Variants in PRDM5 observed in about 807,000 individuals in gnomAD.
The protein encoded by PRDM5 is PR domain zinc finger protein 5.
A neutral mutation model predicts 81.2 loss-of-function variants in PRDM5; 56 were observed. The observed-to-expected ratio is 0.69, with a 90% CI of 0.56 to 0.86. The LOEUF is 0.86. Ranked by LOEUF, PRDM5 falls within the 40% of genes least tolerant of loss-of-function variation. The pLI is 0.00. For synonymous variants in PRDM5, 267 were observed against 256.4 expected (o/e 1.04, Z -0.39); for missense variants, 697 against 770.1 (o/e 0.91, Z 1.12).
chr4:120,865,494 C>A (rs188789239), intron 2 of PRDM5, among the ~76,000 whole-genome samples: 1 of 152,262 alleles, frequency 6.6e-6, no homozygotes, highest in South Asian at 2.1e-4. Flanking sequence ...CCCAACCAAG[C>A]CTTTAAGTGA....
intron 1 of PRDM5, among the ~76,000 whole-genome samples, chr4:120,913,899 C>G (rs1472947796): frequency 2.0e-5 from 3 of 152,164 alleles, no homozygotes; most frequent in Non-Finnish European, 4.4e-5. Context: ...AGAAAGCTGA[C>G]TGACAGGGAA....
At chr4:120,834,997 A>C (rs1347632096) in intron 3 of PRDM5, among the ~76,000 whole-genome samples, 3 of 152,214 alleles carry the variant, frequency 2.0e-5, no homozygotes, top group Non-Finnish European at 2.9e-5. Context: ...ATAATCCTTC[A>C]ATGTCAACAA....
intron 13 of PRDM5, among the ~76,000 whole-genome samples, chr4:120,770,869 A>G (rs1472627898): frequency 6.6e-6 from 1 of 152,146 alleles, no homozygotes; most frequent in African/African-American, 2.4e-5. Context: ...TATAAAAATT[A>G]GAAAACAGAA....
At chr4:120,917,321 C>A (rs1464756537) in intron 1 of PRDM5, among the ~76,000 whole-genome samples, 3 of 152,132 alleles carry the variant, frequency 2.0e-5, no homozygotes, top group African/African-American at 7.2e-5. Context: ...TTGCCCAAAT[C>A]TCTCCTGTTT....
chr4:120,746,745 C>T (rs1743135825), intron 14 of PRDM5, among the ~76,000 whole-genome samples: 1 of 146,142 alleles, frequency 6.8e-6, no homozygotes, highest in Non-Finnish European at 1.5e-5. Context: ...TACCATCTCA[C>T]ACCAGTTACA....
At chr4:120,922,396 C>G in intron 1 of PRDM5, 120 bp downstream of exon 1, 2 of 1,145,738 alleles carry the variant, frequency 1.7e-6, no homozygotes, top group Non-Finnish European at 2.2e-6. Flanking sequence ...CCTGGCCCGG[C>G]CCGGGCGAGG....
chr4:120,860,502 T>A (rs1313955890), intron 2 of PRDM5, among the ~76,000 whole-genome samples: 4 of 152,176 alleles, frequency 2.6e-5, no homozygotes, highest in Admixed American at 2.6e-4. Context: ...AAACTGTCCT[T>A]TTCTATAGTT....
chr4:120,823,376 G>T (rs531548239), intron 3 of PRDM5, among the ~76,000 whole-genome samples: 2 of 152,068 alleles, frequency 1.3e-5, no homozygotes, highest in Admixed American at 1.3e-4. Context: ...AGCATTCCAG[G>T]CTCCACAGGA....
chr4:120,837,402 T>C (rs1757486433), intron 3 of PRDM5: 1 of 152,232 alleles, frequency 6.6e-6, no homozygotes, highest in Non-Finnish European at 1.5e-5. Flanking sequence ...CTATGGGTTC[T>C]AGATTATGTC....
chr4:120,689,383 C>T (rs1733952865), downstream of PRDM5, among the ~76,000 whole-genome samples: 2 of 152,022 alleles, frequency 1.3e-5, no homozygotes, highest in Non-Finnish European at 2.9e-5. Flanking sequence ...GAAAGTGATA[C>T]AGTTGTACTT....
At chr4:120,760,306 T>C (rs1745415057) in intron 13 of PRDM5, among the ~76,000 whole-genome samples, 1 of 152,168 alleles carries the variant, frequency 6.6e-6, no homozygotes, top group African/African-American at 2.4e-5. Context: ...AGGTTAGGAA[T>C]GTGTGTTATG....
chr4:120,703,946 A>G (rs547156214), intron 15 of PRDM5, among the ~76,000 whole-genome samples: 10 of 152,184 alleles, frequency 6.6e-5, no homozygotes, highest in Non-Finnish European at 1.5e-4. Flanking sequence ...AACCACTGTG[A>G]AAATGTAAGA....
At chr4:120,748,280 C>T (rs1743444508) in intron 14 of PRDM5, among the ~76,000 whole-genome samples, 1 of 152,282 alleles carries the variant, frequency 6.6e-6, no homozygotes, top group Admixed American at 6.5e-5. Context: ...GGGGTACCCC[C>T]AAGGCCCAAG....
intron 13 of PRDM5, among the ~76,000 whole-genome samples, chr4:120,776,493 T>C (rs1470949705): frequency 6.6e-6 from 1 of 152,186 alleles, no homozygotes; most frequent in African/African-American, 2.4e-5. Context: ...ATCCATGTAA[T>C]TAGAGTCTAG....
At chr4:120,837,740 G>A (rs1425098574) in intron 3 of PRDM5, 3 of 152,196 alleles carry the variant, frequency 2.0e-5, no homozygotes, top group Non-Finnish European at 4.4e-5. Flanking sequence ...GCCTAGTTGA[G>A]TTTACATTCT....
chr4:120,916,810 C>CT (rs1724225904), intron 1 of PRDM5, among the ~76,000 whole-genome samples: 1 of 152,226 alleles, frequency 6.6e-6, no homozygotes, highest in Non-Finnish European at 1.5e-5. Flanking sequence ...CCTTCCCATT[C>CT]TTTCACACTT....
rs142657032 is a variant in PRDM5 at position 120,853,293 on chromosome 4, C to T, written c.300+125G>A. On this transcript the variant is annotated intron_variant, in intron 3 of 15. Transcript: ENST00000264808. ...ATGCTGACTAGATGAGATTTCTCTG[C>T]TTTTATGAGTTACTGTTATTTGAAG... 10 of 1,430,780 alleles carry T rather than the reference C, an allele frequency of 7.0e-6. No individual in the cohort carries two copies. The African/African-American group carries it at 1.4e-4, about 20-fold the overall frequency. The allele number at this position is 1,430,780 out of a possible 1,614,324, so 88.6% of individuals were successfully genotyped here. A position where few individuals can be genotyped will look rare whatever the true frequency, so the allele number is the denominator to read the frequency against.
chr4:120,818,648 C>A, intron 4 of PRDM5, 121 bp from the exon 5 acceptor site: 2 of 821,662 alleles, frequency 2.4e-6, no homozygotes, highest in South Asian at 3.2e-5. Context: ...TGAATAAATT[C>A]TTATTATCAC....
In PRDM5 at chr4:120,821,362, T is replaced by A. The variant is rs1755244995; in HGVS notation, c.301-17A>T. 1.9e-6 allele frequency: 3 copies of A among 1,604,058 alleles called. No individual in the cohort carries two copies. Among genetic ancestry groups the A allele is most frequent in the Non-Finnish European group, 1.7e-6 (2 of 1,171,478 alleles). ...TTCTCCTTCCTGAAACAAATTTTTT[T>A]AAATGCTGAACCATTCATTTGTTTC... is the stretch of plus-strand genomic sequence containing the variant. On this transcript the variant is annotated splice_polypyrimidine_tract_variant and intron_variant, in intron 3 of 15. Transcript: ENST00000264808.
Sources: allele counts gnomAD v4.1 joint callset (sites outside exome capture counted in the v4.1 genomes callset), GRCh38; gene constraint gnomAD v4.1.1; transcripts MANE v1.5; gene names NCBI Gene and HGNC (gene_info 2026-07-23, HGNC 2026-07-21).